CEP126: variants seen among roughly 807,000 people sequenced by gnomAD.
The protein encoded by CEP126 is centrosomal protein 126.
A neutral mutation model predicts 107.8 loss-of-function variants in CEP126; 74 were observed. The observed-to-expected ratio is 0.69, with a 90% confidence interval of 0.57 to 0.83. The LOEUF is 0.83. CEP126 is among the 40% of genes least tolerant of loss of function. The pLI is 0.00. For missense variants in CEP126, 1,237 were observed against 1,281.9 expected (o/e 0.96, Z 0.53); for synonymous variants, 449 against 446.0 (o/e 1.01, Z -0.08).
intron 1 of CEP126, among the ~76,000 whole-genome samples, 188 bp from the exon 2 acceptor site, chr11:101,922,453 C>T (rs1940343996): frequency 6.6e-6 from 1 of 152,122 alleles, no homozygotes; most frequent in East Asian, 1.9e-4. Flanking sequence ...TGAGCCACCG[C>T]ACCCAGCCCC....
intron 1 of CEP126, chr11:101,916,405 G>T (rs1170354778): frequency 6.6e-6 from 1 of 152,214 alleles, no homozygotes; most frequent in African/African-American, 2.4e-5. Context: ...TTCACTAAAA[G>T]TAAAATATCT....
At chr11:101,953,321 A>G (rs1010614330) in intron 4 of CEP126, among the ~76,000 whole-genome samples, 6 of 152,216 alleles carry the variant, frequency 3.9e-5, no homozygotes, top group African/African-American at 1.4e-4. Flanking sequence ...AACACAGCTT[A>G]AATCCTACTA....
chr11:101,919,601 G>T (rs1340900815), intron 1 of CEP126, among the ~76,000 whole-genome samples: 1 of 151,908 alleles, frequency 6.6e-6, no homozygotes, highest in Non-Finnish European at 1.5e-5. Flanking sequence ...TATTTGAAAT[G>T]ATACAAAAGC....
intron 2 of CEP126, among the ~76,000 whole-genome samples, chr11:101,930,407 G>C (rs1940478884): frequency 6.6e-6 from 1 of 152,010 alleles, no homozygotes; most frequent in African/African-American, 2.4e-5. Context: ...TTATTGTATT[G>C]TTGTGTCCCT....
chr11:101,942,352 C>T (rs1270697230), intron 2 of CEP126, among the ~76,000 whole-genome samples: 4 of 151,982 alleles, frequency 2.6e-5, no homozygotes, highest in African/African-American at 9.7e-5. Context: ...TCCAGATATC[C>T]AACACCATTT....
intron 6 of CEP126, among the ~76,000 whole-genome samples, chr11:101,969,612 T>C (rs1027466865): frequency 2.0e-5 from 3 of 152,184 alleles, no homozygotes; most frequent in African/African-American, 7.2e-5. Context: ...AGGATTTTTG[T>C]GAAAATTGAG....
intron 1 of CEP126, 151 bp downstream of exon 1, chr11:101,915,563 C>T: frequency 9.9e-7 from 1 of 1,011,268 alleles, no homozygotes; most frequent in Non-Finnish European, 1.4e-6. Flanking sequence ...TGTCGTGTCT[C>T]ACCTTAGACC....
chr11:101,986,908 T>C lies in CEP126; in HGVS notation c.3111T>C (p.Thr1037=). 1 of 1,613,922 alleles carries C rather than the reference T, an allele frequency of 6.2e-7. No individual in the cohort carries two copies. Among genetic ancestry groups the C allele is most frequent in the Middle Eastern group, 1.7e-4 (1 of 6,054 alleles). ...CAGTGCCGGAGGATGAGATTCTGAC[T>C]GTCTTGAATAGCAAACAGATACAGA... The part of the protein sequence containing the change: ...KASVPEDEIL[T]VLNSKQIQKS... The change falls in exon 9 of 11, where the codon ACT becomes ACC. Residue 1037 remains threonine (T), a synonymous_variant. Coordinates refer to ENST00000263468, the MANE Select transcript of CEP126 (RefSeq NM_020802.4).
At chr11:101,977,905 C>T (rs1041213898) in intron 6 of CEP126, among the ~76,000 whole-genome samples, 12 of 152,156 alleles carry the variant, frequency 7.9e-5, no homozygotes, top group Non-Finnish European at 1.6e-4. Flanking sequence ...AATTTTAACT[C>T]TTCTTTTAAG....
At chr11:101,997,121 T>A (rs1183484881) in intron 10 of CEP126, among the ~76,000 whole-genome samples, 1 of 152,206 alleles carries the variant, frequency 6.6e-6, no homozygotes, top group African/African-American at 2.4e-5. Flanking sequence ...TACTGCAACC[T>A]CCGCCTCCCA....
At chr11:101,993,037 C>T (rs1311724098) in intron 10 of CEP126, 195 bp downstream of exon 10, 1 of 284,412 alleles carries the variant, frequency 3.5e-6, no homozygotes, top group East Asian at 1.7e-4. Flanking sequence ...TTAAAAAAAT[C>T]CTTAAAGGTC....
At chr11:101,960,305 G>A (rs1185876993) in intron 5 of CEP126, among the ~76,000 whole-genome samples, 1 of 152,178 alleles carries the variant, frequency 6.6e-6, no homozygotes, top group East Asian at 1.9e-4. Flanking sequence ...GGTGATTTGG[G>A]AGATGAAGCA....
chr11:101,996,763 G>A (rs1322058080), intron 10 of CEP126, among the ~76,000 whole-genome samples: 1 of 152,102 alleles, frequency 6.6e-6, no homozygotes, highest in Non-Finnish European at 1.5e-5. Flanking sequence ...GGATGAAGAG[G>A]GAGAGAAAAA....
Position 101,958,186 on chromosome 11 carries a change from G to T in CEP126, c.525G>T (p.Leu175Phe). ...TINWRAIDSA[L>F]PSALSKNDHK... is the part of the protein sequence containing the mutation. ...TTCACAGAGCTATAGATTCTGCCTT[G>T]CCTTCCGCATTATCAAAAAATGATC... Residue 175 changes from leucine (L) to phenylalanine (F), a missense_variant, in exon 5 of 11, where the codon TTG (leucine) becomes TTT (phenylalanine). Transcript: ENST00000263468. 2 of 1,613,696 alleles carry T rather than the reference G, an allele frequency of 1.2e-6. No homozygotes were observed.
At chr11:101,980,924 C>T (rs1191172415) in intron 7 of CEP126, among the ~76,000 whole-genome samples, 2 of 152,186 alleles carry the variant, frequency 1.3e-5, no homozygotes, top group African/African-American at 4.8e-5. Flanking sequence ...CTCCTCAGAT[C>T]AGATTGAAGA....
chr11:101,952,934 T>A (rs541475859), intron 4 of CEP126, among the ~76,000 whole-genome samples: 12 of 152,322 alleles, frequency 7.9e-5, no homozygotes, highest in African/African-American at 2.9e-4. Flanking sequence ...GCATGCCAAC[T>A]AGGTAACATT....
Position 101,963,893 on chromosome 11 carries a change from T to C in CEP126, c.2845+13T>C. The C allele has an allele frequency of 4.0e-6, 6 of 1,485,628 alleles. No homozygotes were observed. The highest frequency in any genetic ancestry group is 5.5e-6 in the Non-Finnish European group (6 of 1,091,184). 92.0% of individuals were successfully genotyped at this position (1,485,628 alleles called of 1,614,324 possible). On this transcript the variant is annotated intron_variant, in intron 6 of 10. Transcript: ENST00000263468. ...AAGAGGGCTACAGGTAAGAATAAAT[T>C]TATAGCTTTTTATAGATAAAATGTA...
intron 2 of CEP126, among the ~76,000 whole-genome samples, chr11:101,931,655 A>G (rs1029615948): frequency 2.0e-5 from 3 of 152,144 alleles, no homozygotes; most frequent in Non-Finnish European, 2.9e-5. Flanking sequence ...GTTTAATATT[A>G]TCATATTTCT....
chr11:101,925,827 G>T (rs1437857148), intron 2 of CEP126, among the ~76,000 whole-genome samples: 4 of 142,246 alleles, frequency 2.8e-5, no homozygotes, highest in African/African-American at 1.1e-4. Context: ...GCTAATTTTT[G>T]TATTTTTAGT....
Sources: gnomAD v4.1 joint callset for allele counts (sites outside exome capture counted in the v4.1 genomes callset) on GRCh38, gnomAD v4.1.1 for gene constraint, MANE v1.5 for transcripts, NCBI Gene and HGNC (gene_info 2026-07-23, HGNC 2026-07-21) for gene names.